Variants in UCK2 observed in about 807,000 individuals in gnomAD.
The protein encoded by UCK2 is uridine-cytidine kinase 2, also known as cytidine monophosphokinase 2.
A neutral mutation model predicts 30.8 loss-of-function variants in UCK2; 6 were observed. The ratio of observed to expected loss-of-function variants is 0.19; its 90% confidence interval spans 0.11 to 0.38. The LOEUF (loss-of-function observed/expected upper bound fraction) is 0.38, where lower values mean the gene tolerates loss of function less well. UCK2 is among the 10% of genes least tolerant of loss of function. UCK2 has a pLI of 1.00. For synonymous variants in UCK2, 125 were observed against 133.6 expected (o/e 0.94, Z 0.45); for missense variants, 210 against 339.8 (o/e 0.62, Z 3.00).
intron 1 of UCK2, among the ~76,000 whole-genome samples, chr1:165,886,128 A>C (rs922546401): frequency 6.6e-6 from 1 of 152,188 alleles, no homozygotes; most frequent in East Asian, 1.9e-4. Context: ...CACTTTGCAT[A>C]GTGAAATCCT....
At chr1:165,867,470 A>G (rs879514547) in intron 1 of UCK2, among the ~76,000 whole-genome samples, 1 of 152,212 alleles carries the variant, frequency 6.6e-6, no homozygotes, top group Non-Finnish European at 1.5e-5. Flanking sequence ...AAAAAATTTA[A>G]AAAAAATTAA....
intron 1 of UCK2, among the ~76,000 whole-genome samples, chr1:165,830,038 C>T (rs1654004902): frequency 6.6e-6 from 1 of 152,054 alleles, no homozygotes; most frequent in South Asian, 2.1e-4. Context: ...CAGGGTCTCA[C>T]TCTTTTGCCC....
At chr1:165,880,353 G>A (rs1225047350) in intron 1 of UCK2, among the ~76,000 whole-genome samples, 2 of 152,094 alleles carry the variant, frequency 1.3e-5, no homozygotes, top group Non-Finnish European at 2.9e-5. Flanking sequence ...CAGGACAAGG[G>A]GCCCAGTTTG....
intron 3 of UCK2, chr1:165,894,332 GGGA>G (rs1488321451): frequency 6.6e-6 from 1 of 152,104 alleles, no homozygotes; most frequent in Non-Finnish European, 1.5e-5. Flanking sequence ...CTTGGTGTAG[GGGA>G]GTTGCCTAGA....
intron 1 of UCK2, among the ~76,000 whole-genome samples, chr1:165,863,746 G>T (rs7549754): frequency 0.27 from 40,309 of 152,088 alleles, 5,554 homozygotes; most frequent in South Asian, 0.46. Flanking sequence ...CTAGCAGGGT[G>T]CTCTAGCAAT....
rs1647728161 is a variant in UCK2 at position 165,907,938 on chromosome 1, T to C, written c.*115T>C. The C allele has an allele frequency of 2.2e-6, 3 of 1,386,532 alleles. No individual in the cohort carries two copies. Among genetic ancestry groups the C allele is most frequent in the East Asian group, 2.5e-5 (1 of 40,194 alleles). The allele number at this position is 1,386,532 out of a possible 1,614,324, so 85.9% of individuals were successfully genotyped here. A position where few individuals can be genotyped will look rare whatever the true frequency, so the allele number is the denominator to read the frequency against. On this transcript the variant is annotated 3_prime_UTR_variant, in exon 7 of 7. Coordinates refer to ENST00000367879, the MANE Select transcript of UCK2 (RefSeq NM_012474.5). ...CATTACTGTATTTAAGAAAACACCA[T>C]GGAGATGAAATGCCTTTGATTTTTT...
chr1:165,903,519 G>A (rs1256264046), intron 5 of UCK2, among the ~76,000 whole-genome samples: 3 of 152,100 alleles, frequency 2.0e-5, no homozygotes, highest in African/African-American at 7.2e-5. Flanking sequence ...CCAGTCCTTA[G>A]GCAGGTCATT....
chr1:165,884,294 G>C (rs1655567328), intron 1 of UCK2, among the ~76,000 whole-genome samples: 1 of 152,186 alleles, frequency 6.6e-6, no homozygotes. Flanking sequence ...CCTCAACCTG[G>C]AGCCGATTGG....
intron 1 of UCK2, among the ~76,000 whole-genome samples, chr1:165,838,743 T>C (rs1013742570): frequency 6.6e-6 from 1 of 150,916 alleles, no homozygotes; most frequent in African/African-American, 2.4e-5. Context: ...GGTGCCTGTT[T>C]AGTGGTGCAT....
chr1:165,840,707 T>C (rs1298028570), intron 1 of UCK2, among the ~76,000 whole-genome samples: 2 of 152,232 alleles, frequency 1.3e-5, no homozygotes, highest in African/African-American at 4.8e-5. Flanking sequence ...CTTTGAAGTT[T>C]CTTATTCTTG....
chr1:165,887,575 C>T (rs1270415404), intron 1 of UCK2, among the ~76,000 whole-genome samples: 1 of 151,940 alleles, frequency 6.6e-6, no homozygotes, highest in Non-Finnish European at 1.5e-5. Flanking sequence ...CATTTGGCTT[C>T]GTGAATCACT....
At position 165,881,779 on chromosome 1, in the gene UCK2, G is replaced by A. The variant is rs541485885; in HGVS notation, c.100-8425G>A. ...TTCCAAGTGCTGGTGAGTCTAAAGA[G>A]CAGAGCCAAACATGTAATTACATAA... On this transcript the variant is annotated intron_variant, in intron 1 of 6. Transcript: ENST00000367879. Among the ~76,000 whole-genome samples, 3 of 152,328 alleles carry A rather than the reference G, an allele frequency of 2.0e-5. No individual in the cohort carries two copies. The South Asian group carries it at 6.2e-4, about 32-fold the overall frequency.
chr1:165,865,970 T>C (rs1234449129), intron 1 of UCK2, among the ~76,000 whole-genome samples: 3 of 152,104 alleles, frequency 2.0e-5, no homozygotes, highest in African/African-American at 7.2e-5. Context: ...CAGTTATTTG[T>C]TGTGTGGCTG....
At chr1:165,879,238 C>T (rs1655412560) in intron 1 of UCK2, among the ~76,000 whole-genome samples, 1 of 152,122 alleles carries the variant, frequency 6.6e-6, no homozygotes, top group East Asian at 1.9e-4. Context: ...ATCAGGCATG[C>T]CTTTTGCAAA....
At chr1:165,830,845 G>C (rs575382703) in intron 1 of UCK2, among the ~76,000 whole-genome samples, 2 of 152,226 alleles carry the variant, frequency 1.3e-5, no homozygotes, top group South Asian at 4.2e-4. Flanking sequence ...GCCAGCCTGG[G>C]CAACATAGTG....
intron 1 of UCK2, among the ~76,000 whole-genome samples, chr1:165,839,062 GAAAA>G (rs1654264630): frequency 1.3e-5 from 2 of 151,916 alleles, no homozygotes; most frequent in Non-Finnish European, 2.9e-5. Context: ...AAAAAAGAAA[GAAAA>G]AATCAGAGAG....
chr1:165,834,723 T>G (rs1416666108), intron 1 of UCK2, among the ~76,000 whole-genome samples: 1 of 152,126 alleles, frequency 6.6e-6, no homozygotes, highest in Non-Finnish European at 1.5e-5. Context: ...CTTTCTTTCT[T>G]TTTTTGTTTT....
At chr1:165,846,578 G>A (rs1029744914) in intron 1 of UCK2, among the ~76,000 whole-genome samples, 13 of 152,164 alleles carry the variant, frequency 8.5e-5, no homozygotes, top group Non-Finnish European at 1.6e-4. Context: ...TCCATGGATA[G>A]GAGTCAGAAG....
chr1:165,853,225 G>A (rs934036827), intron 1 of UCK2, among the ~76,000 whole-genome samples: 2 of 152,172 alleles, frequency 1.3e-5, no homozygotes, highest in African/African-American at 4.8e-5. Flanking sequence ...ATCAGAGATG[G>A]GGGAAAATTT....
Sources: gnomAD v4.1 joint callset for allele counts (sites outside exome capture counted in the v4.1 genomes callset) on GRCh38, gnomAD v4.1.1 for gene constraint, MANE v1.5 for transcripts, NCBI Gene and HGNC (gene_info 2026-07-23, HGNC 2026-07-21) for gene names.